PTPMT1: variants seen among roughly 807,000 people sequenced by gnomAD.
The protein encoded by PTPMT1 is protein tyrosine phosphatase mitochondrial 1, also known as phosphatidylglycerophosphatase and protein-tyrosine phosphatase 1.
PTPMT1 carries 12 observed loss-of-function variants against 17.8 expected under a neutral mutation model. That is an observed-to-expected ratio of 0.67 (90% CI 0.43 to 1.09). PTPMT1 has a LOEUF of 1.09. PTPMT1 is among the 50% of genes least tolerant of loss of function. The pLI, the probability that PTPMT1 is intolerant of heterozygous loss-of-function variation, is 0.00. For synonymous variants in PTPMT1, 132 were observed against 116.8 expected (o/e 1.13, Z -0.84); for missense variants, 262 against 266.0 (o/e 0.99, Z 0.10).
At chr11:47,567,329 C>T (rs990095301) in intron 2 of PTPMT1, among the ~76,000 whole-genome samples, 14 of 151,754 alleles carry the variant, frequency 9.2e-5, no homozygotes, top group Admixed American at 7.9e-4. Context: ...TCGCTTGAAC[C>T]CGGGAGGCAG....
At chr11:47,570,186 C>CAAA (rs548462674) in intron 3 of PTPMT1, among the ~76,000 whole-genome samples, 3 of 85,552 alleles carry the variant, frequency 3.5e-5, no homozygotes, top group Admixed American at 2.6e-4. Context: ...GAAACTGTCT[C>CAAA]AAAAAAAAAA....
chr11:47,565,847 C>G, intron 1 of PTPMT1, 51 bp downstream of exon 1: 1 of 1,606,270 alleles, frequency 6.2e-7, no homozygotes. Flanking sequence ...GCCGCTCCGT[C>G]CCTGTCGGGC....
At chr11:47,568,065 G>T (rs955846821) in intron 2 of PTPMT1, among the ~76,000 whole-genome samples, 5 of 151,862 alleles carry the variant, frequency 3.3e-5, no homozygotes, top group Non-Finnish European at 7.4e-5. Context: ...GACTACAGGC[G>T]CCTGCCACCA....
Position 47,572,991 on chromosome 11 carries a change from G to A in PTPMT1, c.*1362G>A, listed in dbSNP as rs1441928437. On this transcript the variant is annotated 3_prime_UTR_variant, in exon 4 of 4. Transcript: ENST00000326674. ...CTTAATACCTCTTGTGACAGTTACG[G>A]CTGAAGTGGCAGGGTCAAGCTTGTA... The A allele has an allele frequency of 1.9e-6, 3 of 1,614,182 alleles. No homozygotes were observed. Among genetic ancestry groups the A allele is most frequent in the Admixed American group, 1.7e-5 (1 of 60,022 alleles).
Position 47,573,417 on chromosome 11 carries a change from A to C in PTPMT1, c.*1788A>C. On this transcript the variant is annotated 3_prime_UTR_variant, in exon 4 of 4. Coordinates refer to ENST00000326674, the MANE Select transcript of PTPMT1 (RefSeq NM_175732.3). The surrounding 1 kb of genome is among the most constrained non-coding windows in gnomAD (Gnocchi z 4.1). ...CTCTAGCTGAGTTGTCTCTGTCCAC[A>C]CATTATCACCTACGCGATAATAAAT... 1 of 1,614,198 alleles carries C rather than the reference A, an allele frequency of 6.2e-7. No homozygotes were observed. The highest frequency in any genetic ancestry group is 8.5e-7 in the Non-Finnish European group (1 of 1,180,024).
At chr11:47,568,999 A>T (rs991720905) in intron 2 of PTPMT1, among the ~76,000 whole-genome samples, 1 of 151,984 alleles carries the variant, frequency 6.6e-6, no homozygotes, top group Admixed American at 6.6e-5. Context: ...CCAAAATAAA[A>T]TGTTAAGACG....
rs752826123 is a variant in PTPMT1, at chr11:47,569,814, C to T, written c.370C>T (p.Leu124=). ...CCAATTTGCTCTCAAGTACCAGTCG[C>T]TGGGCCAGTGTGTTTACGTGCATTG... ...GVQFALKYQS[L]GQCVYVHCKA... is the part of the protein sequence containing the mutation. The change falls in exon 3 of 4, where the codon CTG becomes TTG. Residue 124 remains leucine, a synonymous_variant. Transcript: ENST00000326674. 4.3e-6 allele frequency: 7 copies of T among 1,614,124 alleles called. No homozygotes were observed. In the Middle Eastern group the frequency reaches 8.3e-4, roughly 191 times the overall value.
chr11:47,572,617 T>G lies in PTPMT1; in HGVS notation c.*988T>G. 2.9e-6 allele frequency: 1 copy of G among 341,110 alleles called. No individual in the cohort carries two copies. The highest frequency in any genetic ancestry group is 5.4e-6 in the Non-Finnish European group (1 of 186,534). The allele number at this position is 341,110 out of a possible 1,614,324, so 21.1% of individuals were successfully genotyped here. A position where few individuals can be genotyped will look rare whatever the true frequency, so the allele number is the denominator to read the frequency against. On this transcript the variant is annotated 3_prime_UTR_variant, in exon 4 of 4. Transcript: ENST00000326674. ...GGATCAGGGGTGCTTACATTTAACATTGATCAGGTAAAGAGGAGAGGCTGT... is the reference window on the plus strand; with the variant it reads ...GGATCAGGGGTGCTTACATTTAACAGTGATCAGGTAAAGAGGAGAGGCTGT...
At position 47,573,027 on chromosome 11, in the gene PTPMT1, TCC is replaced by T. The variant is rs1469530219; in HGVS notation, c.*1402_*1403del. 9 of 1,613,980 alleles carry T rather than the reference TCC, an allele frequency of 5.6e-6. No individual in the cohort carries two copies. The South Asian group carries it at 9.9e-5, about 18-fold the overall frequency. ...AGGGTCAAGCTTGTAGGTGTTGGCA[TCC>T]CCCTTTTTATATCGGTCCCGGAAGA... is the stretch of plus-strand genomic sequence containing the variant. On this transcript the variant is annotated 3_prime_UTR_variant, in exon 4 of 4. Transcript: ENST00000326674. This position sits in a 1 kb window ranked among gnomAD's most constrained non-coding sequence, Gnocchi z 4.1.
In PTPMT1 at chr11:47,565,815, C is replaced by T. The variant is rs550542926; in HGVS notation, c.174+19C>T. ...GCGCCAGGTGAGCCGGGCCGGGGAG[C>T]CCGGGCCCCTGCCCCGTCCCCGCCG... On this transcript the variant is annotated intron_variant, in intron 1 of 3. Coordinates refer to ENST00000326674, the MANE Select transcript of PTPMT1 (RefSeq NM_175732.3). 1.9e-6 allele frequency: 3 copies of T among 1,586,406 alleles called. No individual in the cohort carries two copies. Among genetic ancestry groups the T allele is most frequent in the Admixed American group, 1.8e-5 (1 of 55,964 alleles).
intron 3 of PTPMT1, 101 bp from the exon 4 acceptor site, chr11:47,571,370 G>T (rs1425530707): frequency 2.0e-6 from 2 of 1,007,536 alleles, no homozygotes; most frequent in Non-Finnish European, 2.9e-6. Flanking sequence ...AGTTTCCAAA[G>T]AAATGAAATC....
chr11:47,566,732 C>A (rs926145907), intron 2 of PTPMT1, among the ~76,000 whole-genome samples: 2 of 152,128 alleles, frequency 1.3e-5, no homozygotes, highest in African/African-American at 2.4e-5. Flanking sequence ...ACCCCCTTAA[C>A]ACTCTCCCCT....
intron 2 of PTPMT1, among the ~76,000 whole-genome samples, chr11:47,568,497 G>A (rs1425006597): frequency 2.6e-5 from 4 of 151,794 alleles, no homozygotes; most frequent in South Asian, 4.2e-4. Flanking sequence ...GCAACATAGC[G>A]AGACCCCCAT....
chr11:47,569,275 A>C (rs1012689191), intron 2 of PTPMT1, among the ~76,000 whole-genome samples: 3 of 150,426 alleles, frequency 2.0e-5, no homozygotes, highest in Admixed American at 6.7e-5. Flanking sequence ...AGTCCCAGCT[A>C]CTCGGGAGGC....
chr11:47,570,308 T>C (rs1482547494), intron 3 of PTPMT1, among the ~76,000 whole-genome samples: 1 of 152,030 alleles, frequency 6.6e-6, no homozygotes, highest in Admixed American at 6.6e-5. Context: ...TTTCAGGCTG[T>C]TGGGAGGTGG....
At position 47,573,448 on chromosome 11, in the gene PTPMT1, C is replaced by T. The variant is rs754116406; in HGVS notation, c.*1819C>T. ...TCACCTACGCGATAATAAATGACTG[C>T]GTTGGAGAGGGTATCTTGCAGTGTC... On this transcript the variant is annotated 3_prime_UTR_variant, in exon 4 of 4. Transcript: ENST00000326674. The surrounding 1 kb of genome is among the most constrained non-coding windows in gnomAD (Gnocchi z 4.1). 35 of 1,614,056 alleles carry T rather than the reference C, an allele frequency of 2.2e-5. No individual in the cohort carries two copies. Among genetic ancestry groups the T allele is most frequent in the African/African-American group, 8.0e-5 (6 of 74,918 alleles).
chr11:47,568,202 G>A (rs986133147), intron 2 of PTPMT1, among the ~76,000 whole-genome samples: 4 of 151,808 alleles, frequency 2.6e-5, no homozygotes, highest in Non-Finnish European at 5.9e-5. Context: ...TTACAGGCAT[G>A]AGCCACCATG....
At chr11:47,568,541 GCA>G (rs2097247618) in intron 2 of PTPMT1, among the ~76,000 whole-genome samples, 1 of 151,914 alleles carries the variant, frequency 6.6e-6, no homozygotes, top group Non-Finnish European at 1.5e-5. Flanking sequence ...AATTAGCCAG[GCA>G]CAGTGGCATG....
At position 47,571,689 on chromosome 11, in the gene PTPMT1, A is replaced by T; in HGVS notation, c.*60A>T. On this transcript the variant is annotated 3_prime_UTR_variant, in exon 4 of 4. Transcript: ENST00000326674. ...GCTTGATACAGAACAAAAAGAGCTTAACAGGACCAACAGGGCTTAAGCCCA... is the reference window on the plus strand; with the variant it reads ...GCTTGATACAGAACAAAAAGAGCTTTACAGGACCAACAGGGCTTAAGCCCA... The T allele has an allele frequency of 6.7e-7, 1 of 1,491,346 alleles. No individual in the cohort carries two copies. Among genetic ancestry groups the T allele is most frequent in the Non-Finnish European group, 9.2e-7 (1 of 1,085,536 alleles). 92.4% of individuals were successfully genotyped at this position (1,491,346 alleles called of 1,614,324 possible). A position where few individuals can be genotyped will look rare whatever the true frequency, so the allele number is the denominator to read the frequency against.
Sources: allele counts gnomAD v4.1 joint callset (sites outside exome capture counted in the v4.1 genomes callset), GRCh38; gene constraint gnomAD v4.1.1; non-coding constraint Gnocchi (gnomAD v3.1); transcripts MANE v1.5; gene names NCBI Gene and HGNC (gene_info 2026-07-23, HGNC 2026-07-21).